Variants in OOSP1 observed in about 807,000 individuals in gnomAD.
OOSP1 encodes oocyte secreted protein 1.
A neutral mutation model predicts 5.7 loss-of-function variants in OOSP1; 11 were observed. The observed-to-expected ratio is 1.94, with a 90% confidence interval of 1.22 to 3.20. OOSP1 has a LOEUF of 3.20. Among genes scored for constraint, OOSP1 ranks in the 30% most tolerant of loss-of-function variants. The pLI is 0.00. For missense variants in OOSP1, 83 were observed against 54.1 expected, an observed-to-expected ratio of 1.53 and a Z score of -1.67; for synonymous variants, 44 against 20.0, an observed-to-expected ratio of 2.20 and a Z score of -3.20.
At chr11:59,950,446 A>G (rs1393690299) in intron 4 of OOSP1, among the ~76,000 whole-genome samples, 1 of 152,206 alleles carries the variant, frequency 6.6e-6, no homozygotes, top group Non-Finnish European at 1.5e-5. Context: ...CAATCAGTCC[A>G]AGGTTTGGGT....
chr11:59,942,985 A>C, exon 2 of OOSP1: 2 of 702,876 alleles, frequency 2.8e-6, no homozygotes, highest in Middle Eastern at 2.3e-4. Flanking sequence ...AATGTCTACT[A>C]TGAGTTTTTC....
At chr11:59,957,332 C>T (rs916786132) in exon 5 of OOSP1, 3 of 396,944 alleles carry the variant, frequency 7.6e-6, no homozygotes, top group Non-Finnish European at 8.9e-6. Flanking sequence ...TTTCATTTAT[C>T]CATCCAAGGT....
intron 3 of OOSP1, 109 bp downstream of exon 3, chr11:59,945,375 G>C (rs1453490776): frequency 2.9e-6 from 2 of 698,528 alleles, no homozygotes; most frequent in Non-Finnish European, 5.2e-6. Context: ...TGGGAGTTGG[G>C]GAGACACCAA....
chr11:59,944,105 C>G (rs770204750), intron 2 of OOSP1, among the ~76,000 whole-genome samples: 1 of 152,140 alleles, frequency 6.6e-6, no homozygotes, highest in Non-Finnish European at 1.5e-5. Flanking sequence ...TGACCCTGCA[C>G]AGGGCTTCAC....
chr11:59,955,477 A>G (rs1853986259), intron 4 of OOSP1, among the ~76,000 whole-genome samples: 1 of 152,236 alleles, frequency 6.6e-6, no homozygotes, highest in Non-Finnish European at 1.5e-5. Context: ...AAGCCCAATT[A>G]TACAATAAAT....
chr11:59,950,060 T>G (rs1370575670), intron 4 of OOSP1, among the ~76,000 whole-genome samples: 2 of 152,160 alleles, frequency 1.3e-5, no homozygotes, highest in African/African-American at 4.8e-5. Flanking sequence ...AACCCTGGTT[T>G]AGATGTAGCA....
chr11:59,940,939 A>G (rs1304403101), intron 1 of OOSP1, among the ~76,000 whole-genome samples: 1 of 152,218 alleles, frequency 6.6e-6, no homozygotes, highest in Non-Finnish European at 1.5e-5. Context: ...CATCTTGCAG[A>G]AATATAATAC....
chr11:59,954,834 A>G (rs1184801236), intron 4 of OOSP1, among the ~76,000 whole-genome samples: 1 of 152,126 alleles, frequency 6.6e-6, no homozygotes, highest in Non-Finnish European at 1.5e-5. Context: ...ATACCTCTAT[A>G]CTTGTCAAAT....
intron 4 of OOSP1, among the ~76,000 whole-genome samples, chr11:59,956,987 T>C (rs1853999474): frequency 6.6e-6 from 1 of 152,180 alleles, no homozygotes; most frequent in South Asian, 2.1e-4. Context: ...CGTGATTTTG[T>C]AATTGCGAAT....
At chr11:59,950,328 G>A (rs975945525) in intron 4 of OOSP1, among the ~76,000 whole-genome samples, 1 of 152,168 alleles carries the variant, frequency 6.6e-6, no homozygotes, top group African/African-American at 2.4e-5. Context: ...AGTTCAGAGG[G>A]AGAAGGTCCA....
chr11:59,944,973 A>G (rs1853866547), intron 2 of OOSP1, among the ~76,000 whole-genome samples, 196 bp from the exon 3 acceptor site: 1 of 152,230 alleles, frequency 6.6e-6, no homozygotes, highest in Admixed American at 6.5e-5. Context: ...ATGTGCAAGC[A>G]CTGTGCCAGA....
At chr11:59,956,999 G>A (rs942199081) in intron 4 of OOSP1, among the ~76,000 whole-genome samples, 196 bp from the exon 5 acceptor site, 1 of 152,062 alleles carries the variant, frequency 6.6e-6, no homozygotes, top group Non-Finnish European at 1.5e-5. Context: ...ATTGCGAATT[G>A]TGCGGCTATA....
intron 4 of OOSP1, among the ~76,000 whole-genome samples, chr11:59,953,695 A>C (rs1283700468): frequency 6.6e-6 from 1 of 152,218 alleles, no homozygotes; most frequent in East Asian, 1.9e-4. Flanking sequence ...TGGGCAGCCC[A>C]GAAATCAGCT....
intron 2 of OOSP1, among the ~76,000 whole-genome samples, chr11:59,943,598 A>G (rs941305505): frequency 6.6e-6 from 1 of 152,204 alleles, no homozygotes; most frequent in African/African-American, 2.4e-5. Context: ...GGAAGAAAGT[A>G]TTTTCCATGC....
At position 59,942,053 on chromosome 11, in the gene OOSP1, G is replaced by A. The variant is rs114362195; in HGVS notation, c.77-794G>A. On this transcript the variant is annotated intron_variant, in intron 1 of 4. Coordinates refer to ENST00000646685, the Ensembl canonical transcript of OOSP1. ...AGATTTATATTCCTTTGGTTTCTCC[G>A]CTGAGTTTTCAGTATCTCCTGAGAA... Among the ~76,000 whole-genome samples the A allele has an allele frequency of 9.3e-3, 1,412 of 152,050 alleles. 14 individuals are homozygous for A. Among genetic ancestry groups the A allele is most frequent in the African/African-American group, 0.032 (1,325 of 41,470 alleles).
At chr11:59,952,142 AGTTATTT>A (rs2134573603) in intron 4 of OOSP1, among the ~76,000 whole-genome samples, 1 of 152,186 alleles carries the variant, frequency 6.6e-6, no homozygotes, top group African/African-American at 2.4e-5. Context: ...CATGTTGTAA[AGTTATTT>A]GTTATTTATT....
chr11:59,940,358 C>T (rs1264546994), intron 1 of OOSP1, among the ~76,000 whole-genome samples: 2 of 152,176 alleles, frequency 1.3e-5, no homozygotes, highest in African/African-American at 4.8e-5. Flanking sequence ...TCCCTGTGGT[C>T]ATTCCTGATC....
In OOSP1 at chr11:59,951,773, GTTTTTTTT is replaced by G. The variant is rs60435750; in HGVS notation, c.486+3931_486+3938del. On this transcript the variant is annotated intron_variant, in intron 4 of 4. Coordinates refer to ENST00000646685, the Ensembl canonical transcript of OOSP1. ...CGCCAGGCTAGAGTGCAGTGGCACA[GTTTTTTTT>G]TTTTTTTTTTTTTTTTTTTAGCTGA... Among the ~76,000 whole-genome samples the G allele has an allele frequency of 1.9e-3, 109 of 58,002 alleles. 2 individuals are homozygous for G. The highest frequency in any genetic ancestry group is 6.6e-3 in the African/African-American group (103 of 15,542). The allele number at this position is 58,002 out of a possible 152,430, so 38.1% of individuals were successfully genotyped here. A position where few individuals can be genotyped will look rare whatever the true frequency, so the allele number is the denominator to read the frequency against.
At chr11:59,946,776 G>A (rs906132317) in intron 3 of OOSP1, among the ~76,000 whole-genome samples, 2 of 151,662 alleles carry the variant, frequency 1.3e-5, no homozygotes, top group African/African-American at 2.4e-5. Flanking sequence ...AGGGCTGACA[G>A]TGTTGGGAGA....
Sources: gnomAD v4.1 joint callset for allele counts (sites outside exome capture counted in the v4.1 genomes callset) on GRCh38, gnomAD v4.1.1 for gene constraint, MANE v1.5 for transcripts, NCBI Gene and HGNC (gene_info 2026-07-23, HGNC 2026-07-21) for gene names.